The following LY9 variants were observed in gnomAD, a reference collection of about 807,000 sequenced individuals.
LY9 encodes the protein lymphocyte antigen 9.
Under a neutral mutation model 64.6 loss-of-function variants are expected in LY9, and 59 were observed. The observed-to-expected ratio is 0.91, with a 90% confidence interval of 0.74 to 1.13. The LOEUF (loss-of-function observed/expected upper bound fraction) is 1.13, where lower values mean the gene tolerates loss of function less well. Ranked by LOEUF, LY9 falls within the 50% of genes most tolerant of loss-of-function variation. The pLI, the probability that LY9 is intolerant of heterozygous loss-of-function variation, is 0.00. For missense variants in LY9, 789 were observed against 797.2 expected, an observed-to-expected ratio of 0.99 and a Z score of 0.12; for synonymous variants, 281 against 308.5, an observed-to-expected ratio of 0.91 and a Z score of 0.93.
At chr1:160,799,241 C>T (rs1024229953) in intron 1 of LY9, 3 of 155,378 alleles carry the variant, frequency 1.9e-5, no homozygotes, top group African/African-American at 7.2e-5. Flanking sequence ...ATTCATAGGC[C>T]TACTACCTAG....
chr1:160,796,445 T>A, intron 1 of LY9, 134 bp downstream of exon 1: 1 of 1,124,672 alleles, frequency 8.9e-7, no homozygotes, highest in Non-Finnish European at 1.3e-6. Flanking sequence ...CAGGCTGGAG[T>A]GAAGTGGCGC....
intron 2 of LY9, among the ~76,000 whole-genome samples, chr1:160,806,783 A>G (rs1402312549): frequency 1.3e-5 from 2 of 152,048 alleles, no homozygotes; most frequent in East Asian, 3.9e-4. Context: ...AGACTTGGGG[A>G]GTTTTCTGCT....
chr1:160,826,954 G>C (rs145382337), intron 9 of LY9, among the ~76,000 whole-genome samples: 127 of 152,232 alleles, frequency 8.3e-4, no homozygotes, highest in Middle Eastern at 3.4e-3. Context: ...CACATGTCTG[G>C]TCAGTCCTGC....
chr1:160,801,827 G>C (rs760529008), intron 2 of LY9: 1 of 1,614,058 alleles, frequency 6.2e-7, no homozygotes, highest in African/African-American at 1.3e-5. Flanking sequence ...ACGTCATCGA[G>C]GGTGACCACC....
At position 160,814,762 on chromosome 1, in the gene LY9, G is replaced by T. The variant is rs753711204; in HGVS notation, c.1072+1G>T. ...ACACATGTCACCCTGCTCATCTACC[G>T]TGAGTCTCTGGGCAGGGCACCCATC... On this transcript the variant is annotated splice_donor_variant, in intron 4 of 9. Transcript: ENST00000263285. LOFTEE classifies it high-confidence loss of function. The T allele has an allele frequency of 1.9e-6, 3 of 1,608,984 alleles. No individual in the cohort carries two copies. Among genetic ancestry groups the T allele is most frequent in the Admixed American group, 3.4e-5 (2 of 59,290 alleles).
intron 7 of LY9, among the ~76,000 whole-genome samples, chr1:160,823,187 G>A (rs1482067620): frequency 1.3e-5 from 2 of 152,230 alleles, no homozygotes; most frequent in Non-Finnish European, 2.9e-5. Context: ...TACCTGCAAT[G>A]ATGCTTGGCA....
intron 9 of LY9, chr1:160,824,653 C>A: frequency 1.0e-6 from 1 of 982,530 alleles, no homozygotes; most frequent in Non-Finnish European, 1.2e-6. Context: ...AAATACACCA[C>A]CACCTACAGT....
intron 2 of LY9, chr1:160,801,909 G>A: frequency 6.2e-7 from 1 of 1,613,484 alleles, no homozygotes; most frequent in Non-Finnish European, 8.5e-7. Context: ...GAGCGTGCGG[G>A]AGGGCTAGGC....
intron 2 of LY9, 89 bp downstream of exon 2, chr1:160,800,171 A>G (rs1021175674): frequency 7.5e-6 from 7 of 939,452 alleles, no homozygotes; most frequent in African/African-American, 1.6e-5. Context: ...TGTTATATGT[A>G]TATAGTGCAT....
intron 4 of LY9, 65 bp downstream of exon 4, chr1:160,814,826 T>A: frequency 7.6e-7 from 1 of 1,324,498 alleles, no homozygotes; most frequent in Non-Finnish European, 1.1e-6. Flanking sequence ...CTCTGCTGCC[T>A]TCTCCACCTT....
At chr1:160,798,583 T>C (rs967163951) in intron 1 of LY9, among the ~76,000 whole-genome samples, 8 of 152,148 alleles carry the variant, frequency 5.3e-5, no homozygotes, top group African/African-American at 1.9e-4. Flanking sequence ...AACCTTCTCA[T>C]GTCCAGGATC....
At chr1:160,821,378 CT>C (rs1178651264) in intron 7 of LY9, among the ~76,000 whole-genome samples, 1 of 152,128 alleles carries the variant, frequency 6.6e-6, no homozygotes, top group African/African-American at 2.4e-5. Flanking sequence ...ATCTATAACA[CT>C]TTTTTTCTAA....
At chr1:160,827,191 G>A (rs1294985767) in intron 9 of LY9, among the ~76,000 whole-genome samples, 2 of 152,100 alleles carry the variant, frequency 1.3e-5, no homozygotes, top group African/African-American at 2.4e-5. Context: ...ATACCTCTCT[G>A]TACAACATCT....
rs750931234 is a variant in LY9, at chr1:160,816,827, A to G, written c.1306A>G (p.Ser436Gly). 3 of 1,614,254 alleles carry G rather than the reference A, an allele frequency of 1.9e-6. No individual in the cohort carries two copies. The highest frequency in any genetic ancestry group is 2.5e-6 in the Non-Finnish European group (3 of 1,180,042). Residue 436 changes from serine to glycine, a missense_variant, in exon 5 of 10, where the codon AGT becomes GGT. Physicochemically the swap from Ser to Gly is moderately conservative, Grantham distance 56 (BLOSUM62 0). Coordinates refer to ENST00000263285, the MANE Select transcript of LY9 (RefSeq NM_002348.4). Reference protein sequence around the residue: ...TCTASNPVSRSSHQFLSENIC... With the variant: ...TCTASNPVSRGSHQFLSENIC... ...CACAGCCAGCAACCCTGTCAGCAGG[A>G]GTTCCCACCAGTTTCTTTCTGAGAA...
chr1:160,818,922 A>ATTGGC (rs1225230233), intron 6 of LY9, among the ~76,000 whole-genome samples: 26 of 152,294 alleles, frequency 1.7e-4, no homozygotes, highest in African/African-American at 5.5e-4. Context: ...AGCCAAGAAG[A>ATTGGC]TACACTATTA....
At chr1:160,815,706 C>T (rs777641791) in intron 4 of LY9, among the ~76,000 whole-genome samples, 2 of 152,232 alleles carry the variant, frequency 1.3e-5, no homozygotes, top group African/African-American at 2.4e-5. Context: ...TTTTTATAAA[C>T]TATTATCATT....
intron 2 of LY9, chr1:160,802,549 G>A (rs1294272242): frequency 4.1e-6 from 4 of 985,510 alleles, no homozygotes; most frequent in Non-Finnish European, 4.8e-6. Context: ...GTTTTTCCAA[G>A]AAATGGTTCA....
At chr1:160,802,928 T>C (rs1666641095) in intron 2 of LY9, among the ~76,000 whole-genome samples, 1 of 152,234 alleles carries the variant, frequency 6.6e-6, no homozygotes, top group Admixed American at 6.5e-5. Flanking sequence ...AGCTTTGTTC[T>C]TTTTGCTTAG....
chr1:160,797,999 A>T (rs1050648179), intron 1 of LY9, among the ~76,000 whole-genome samples: 3 of 152,134 alleles, frequency 2.0e-5, no homozygotes, highest in Non-Finnish European at 4.4e-5. Flanking sequence ...TCAGTTTTGC[A>T]ATCTTTGAAT....
Sources: allele counts gnomAD v4.1 joint callset (sites outside exome capture counted in the v4.1 genomes callset), GRCh38; gene constraint gnomAD v4.1.1; transcripts MANE v1.5; gene names NCBI Gene and HGNC (gene_info 2026-07-23, HGNC 2026-07-21).